Variants in PIK3AP1 observed in about 807,000 individuals in gnomAD.
PIK3AP1 encodes the protein phosphoinositide 3-kinase adapter protein 1.
PIK3AP1 carries 21 observed loss-of-function variants against 88.1 expected under a neutral mutation model. The observed-to-expected ratio is 0.24, with a 90% CI of 0.17 to 0.34. The LOEUF is 0.34. PIK3AP1 is among the 10% of genes least tolerant of loss of function. PIK3AP1 has a pLI of 1.00. For missense variants in PIK3AP1, 828 were observed against 1,035.7 expected (o/e 0.80, Z 2.75); for synonymous variants, 398 against 400.0 (o/e 1.00, Z 0.06).
At chr10:96,622,853 T>C (rs1466545762) in intron 11 of PIK3AP1, among the ~76,000 whole-genome samples, 1 of 152,208 alleles carries the variant, frequency 6.6e-6, no homozygotes, top group African/African-American at 2.4e-5. Flanking sequence ...AAATAAGACT[T>C]CCAAGTTGTT....
chr10:96,688,115 C>G (rs1844099180), intron 2 of PIK3AP1, among the ~76,000 whole-genome samples: 1 of 152,156 alleles, frequency 6.6e-6, no homozygotes, highest in African/African-American at 2.4e-5. Context: ...GATTTAGGGA[C>G]AAACAACTCA....
chr10:96,612,950 GTATATATATA>G lies in PIK3AP1; in HGVS notation c.2015-3093_2015-3084del, dbSNP rs398046320. On this transcript the variant is annotated intron_variant, in intron 13 of 16. Coordinates refer to ENST00000339364, the MANE Select transcript of PIK3AP1 (RefSeq NM_152309.3). ...TTATGCCACTGAATTGTGTGTGTGT[GTATATATATA>G]TATATATATATATATATATATATTT... 3.9e-3 allele frequency among the ~76,000 whole-genome samples: 230 copies of G among 59,630 alleles called. 1 individual carries two copies. The highest frequency in any genetic ancestry group is 0.017 in the African/African-American group (218 of 12,810). 39.1% of individuals were successfully genotyped at this position (59,630 alleles called of 152,430 possible).
intron 2 of PIK3AP1, among the ~76,000 whole-genome samples, chr10:96,690,973 C>T (rs1478745348): frequency 6.6e-6 from 1 of 152,116 alleles, no homozygotes; most frequent in Non-Finnish European, 1.5e-5. Context: ...AGAATGATGC[C>T]AATATTCGGA....
At chr10:96,609,971 T>TGGGAAG (rs1015809983) in intron 13 of PIK3AP1, 104 bp from the exon 14 acceptor site, 244 of 1,405,440 alleles carry the variant, frequency 1.7e-4, no homozygotes, top group Middle Eastern at 5.6e-4. Flanking sequence ...GGAGCCTGCA[T>TGGGAAG]GGGAAGGGGA....
chr10:96,710,656 T>C (rs1449229995), intron 1 of PIK3AP1, among the ~76,000 whole-genome samples: 1 of 152,114 alleles, frequency 6.6e-6, no homozygotes, highest in Non-Finnish European at 1.5e-5. Flanking sequence ...AGCAAACACT[T>C]ATATAGAGGT....
chr10:96,634,810 G>A (rs1377577250), intron 8 of PIK3AP1, among the ~76,000 whole-genome samples: 2 of 152,148 alleles, frequency 1.3e-5, no homozygotes, highest in Non-Finnish European at 2.9e-5. Context: ...TCTGAAATAG[G>A]TCTCACTGGG....
At position 96,714,106 on chromosome 10, in the gene PIK3AP1, G is replaced by A. The variant is rs143223280; in HGVS notation, c.14-4123C>T. On this transcript the variant is annotated intron_variant, in intron 1 of 16. Coordinates refer to ENST00000339364, the MANE Select transcript of PIK3AP1 (RefSeq NM_152309.3). Reference sequence around the variant, plus strand: ...GAAGAATCACTTGAACCCGGGAGGCGGAGGTTGCAGTGAGCTGAGATCGTG... The same window carrying A: ...GAAGAATCACTTGAACCCGGGAGGCAGAGGTTGCAGTGAGCTGAGATCGTG... Among the ~76,000 whole-genome samples, 716 of 152,110 alleles carry A rather than the reference G, an allele frequency of 4.7e-3. 6 individuals are homozygous for A. Among genetic ancestry groups the A allele is most frequent in the African/African-American group, 0.017 (692 of 41,480 alleles).
At chr10:96,703,650 T>G (rs970200530) in intron 2 of PIK3AP1, among the ~76,000 whole-genome samples, 2 of 152,220 alleles carry the variant, frequency 1.3e-5, no homozygotes, top group Admixed American at 6.5e-5. Flanking sequence ...ACCTGGGGTT[T>G]TCTCACTTCC....
chr10:96,665,414 C>T (rs2134248099), intron 2 of PIK3AP1, among the ~76,000 whole-genome samples: 1 of 152,300 alleles, frequency 6.6e-6, no homozygotes, highest in Non-Finnish European at 1.5e-5. Flanking sequence ...GGTTCTTAGC[C>T]TCTTTCACAC....
intron 2 of PIK3AP1, among the ~76,000 whole-genome samples, chr10:96,694,766 T>A (rs576027209): frequency 6.6e-6 from 1 of 152,136 alleles, no homozygotes; most frequent in African/African-American, 2.4e-5. Flanking sequence ...CTCAAACTCC[T>A]GGGCTCAAGC....
At chr10:96,605,061 T>C (rs1351879636) in intron 14 of PIK3AP1, among the ~76,000 whole-genome samples, 2 of 152,204 alleles carry the variant, frequency 1.3e-5, no homozygotes, top group African/African-American at 4.8e-5. Flanking sequence ...CATTTCATCA[T>C]GTTGGCCAGG....
At chr10:96,683,728 C>T (rs754542873) in intron 2 of PIK3AP1, among the ~76,000 whole-genome samples, 9 of 152,176 alleles carry the variant, frequency 5.9e-5, no homozygotes, top group Non-Finnish European at 1.2e-4. Flanking sequence ...ATTTATTGAG[C>T]ACTAGATGCT....
intron 8 of PIK3AP1, chr10:96,632,806 C>A: frequency 6.5e-7 from 1 of 1,527,238 alleles, no homozygotes; most frequent in South Asian, 1.3e-5. Context: ...TGTGTTTTTC[C>A]CACTTCTGGC....
At chr10:96,605,651 A>G (rs1273048104) in intron 14 of PIK3AP1, among the ~76,000 whole-genome samples, 1 of 152,236 alleles carries the variant, frequency 6.6e-6, no homozygotes, top group East Asian at 1.9e-4. Context: ...TCTGGTATCA[A>G]CTTTGACCGA....
At chr10:96,706,931 A>T (rs1844371702) in intron 2 of PIK3AP1, among the ~76,000 whole-genome samples, 1 of 152,236 alleles carries the variant, frequency 6.6e-6, no homozygotes, top group Non-Finnish European at 1.5e-5. Flanking sequence ...TAAGAAAGTT[A>T]TATTGAGGCT....
rs113720566 is a variant in PIK3AP1 at position 96,682,773 on chromosome 10, T to C, written c.431-25839A>G. On this transcript the variant is annotated intron_variant, in intron 2 of 16. Transcript: ENST00000339364. ...TGAAATTTACATTCAATCATCACCATAGCAACCATCACACAGAATTAGATA... is the reference window on the plus strand; with the variant it reads ...TGAAATTTACATTCAATCATCACCACAGCAACCATCACACAGAATTAGATA... Among the ~76,000 whole-genome samples the C allele has an allele frequency of 1.9e-3, 291 of 152,308 alleles. 5 individuals carry two copies. The highest frequency in any genetic ancestry group is 0.019 in the East Asian group (98 of 5,188).
At chr10:96,652,921 C>T (rs1382836465) in intron 3 of PIK3AP1, 79 bp from the exon 4 acceptor site, 6 of 1,495,980 alleles carry the variant, frequency 4.0e-6, no homozygotes, top group Non-Finnish European at 5.4e-6. Flanking sequence ...CTCCCCAGCT[C>T]TCTTGCCCTA....
chr10:96,683,789 G>T (rs568751062), intron 2 of PIK3AP1, among the ~76,000 whole-genome samples: 5 of 152,320 alleles, frequency 3.3e-5, no homozygotes, highest in African/African-American at 1.2e-4. Context: ...TATCATCCAA[G>T]ACCTCATTAC....
intron 2 of PIK3AP1, among the ~76,000 whole-genome samples, chr10:96,701,549 T>C (rs1310670086): frequency 6.6e-6 from 1 of 152,232 alleles, no homozygotes; most frequent in Non-Finnish European, 1.5e-5. Context: ...CATCTTCTTA[T>C]GAATTATTTC....
Sources: gnomAD v4.1 joint callset for allele counts (sites outside exome capture counted in the v4.1 genomes callset) on GRCh38, gnomAD v4.1.1 for gene constraint, MANE v1.5 for transcripts, NCBI Gene and HGNC (gene_info 2026-07-23, HGNC 2026-07-21) for gene names.